Variants in PTPN12 observed in about 807,000 individuals in gnomAD.
The protein encoded by PTPN12 is tyrosine-protein phosphatase non-receptor type 12.
PTPN12 carries 29 observed loss-of-function variants against 97.6 expected under a neutral mutation model. The observed-to-expected ratio is 0.30, with a 90% CI of 0.22 to 0.41. The LOEUF (loss-of-function observed/expected upper bound fraction) is 0.41. PTPN12 is among the 10% of genes least tolerant of loss of function. PTPN12 has a pLI of 1.00. For missense variants in PTPN12, 819 were observed against 926.0 expected, an observed-to-expected ratio of 0.88 and a Z score of 1.50; for synonymous variants, 327 against 300.4, an observed-to-expected ratio of 1.09 and a Z score of -0.91.
At chr7:77,594,317 T>C (rs1291060120) in intron 6 of PTPN12, among the ~76,000 whole-genome samples, 5 of 151,978 alleles carry the variant, frequency 3.3e-5, no homozygotes, top group African/African-American at 1.2e-4. Context: ...ACGTTAAAAA[T>C]CCCACTGCAT....
At chr7:77,626,597 G>A (rs977615957) in intron 12 of PTPN12, 108 bp from the exon 13 acceptor site, 6 of 1,225,202 alleles carry the variant, frequency 4.9e-6, no homozygotes, top group South Asian at 3.6e-5. Flanking sequence ...GTTTTTATTC[G>A]CAACCAGATT....
chr7:77,571,911 T>A (rs1351031000), intron 2 of PTPN12, among the ~76,000 whole-genome samples: 1 of 152,194 alleles, frequency 6.6e-6, no homozygotes, highest in African/African-American at 2.4e-5. Flanking sequence ...TCTGAAAGTA[T>A]ACTTAAGGTG....
rs556907917 is a variant in PTPN12 at position 77,566,361 on chromosome 7, T to C, written c.100-4717T>C. On this transcript the variant is annotated intron_variant, in intron 1 of 17. Transcript: ENST00000248594. ...AAATGTGGGAGTAAAATGGTCAGACTTGACTTTTTAGAACAGTAATAAAGG... is the reference window on the plus strand; with the variant it reads ...AAATGTGGGAGTAAAATGGTCAGACCTGACTTTTTAGAACAGTAATAAAGG... Among the ~76,000 whole-genome samples, 99 of 152,314 alleles carry C rather than the reference T, an allele frequency of 6.5e-4. No individual in the cohort carries two copies. The South Asian group carries it at 6.6e-3, about 10-fold the overall frequency.
chr7:77,576,787 A>G (rs1014176774), intron 2 of PTPN12, among the ~76,000 whole-genome samples: 8 of 152,184 alleles, frequency 5.3e-5, no homozygotes, highest in South Asian at 2.1e-4. Context: ...CCGGGTGTTA[A>G]TGGTGGCCCA....
At chr7:77,542,763 C>T (rs1053421817) in intron 1 of PTPN12, among the ~76,000 whole-genome samples, 1 of 151,916 alleles carries the variant, frequency 6.6e-6, no homozygotes, top group Admixed American at 6.6e-5. Context: ...GAGGAAGTTT[C>T]AGGGGGAGAA....
Position 77,632,913 on chromosome 7 carries a change from C to T in PTPN12, c.2074+488C>T, listed in dbSNP as rs139227568. ...TGGAGGTTGCAGTGAGCCGAGATTG[C>T]GCCATTGCATTCCAGCCTGGGCGAA... On this transcript the variant is annotated intron_variant, in intron 14 of 17. Coordinates refer to ENST00000248594, the MANE Select transcript of PTPN12 (RefSeq NM_002835.4). 1.6e-4 allele frequency among the ~76,000 whole-genome samples: 24 copies of T among 152,212 alleles called. No homozygotes were observed. In the East Asian group the frequency reaches 3.7e-3, roughly 23 times the overall value.
At chr7:77,610,405 T>C (rs935226577) in intron 9 of PTPN12, among the ~76,000 whole-genome samples, 1 of 152,254 alleles carries the variant, frequency 6.6e-6, no homozygotes, top group Non-Finnish European at 1.5e-5. Flanking sequence ...CCACATAGAT[T>C]ATACATTGAA....
intron 11 of PTPN12, among the ~76,000 whole-genome samples, chr7:77,618,277 C>T (rs1002292285): frequency 3.3e-5 from 5 of 151,878 alleles, no homozygotes; most frequent in South Asian, 2.1e-4. Context: ...AACTGTGATG[C>T]GCTGTTTTTT....
chr7:77,591,557 ATAGT>A (rs1787867634), intron 5 of PTPN12, among the ~76,000 whole-genome samples: 1 of 152,240 alleles, frequency 6.6e-6, no homozygotes, highest in African/African-American at 2.4e-5. Context: ...ATAAAATTGA[ATAGT>A]TAATACATCA....
intron 1 of PTPN12, among the ~76,000 whole-genome samples, chr7:77,551,826 C>T (rs1238956323): frequency 1.3e-5 from 2 of 152,170 alleles, no homozygotes; most frequent in Non-Finnish European, 2.9e-5. Flanking sequence ...AGATCCTGTT[C>T]ATCAGACATG....
chr7:77,579,399 A>C (rs574501967), intron 2 of PTPN12, among the ~76,000 whole-genome samples: 3 of 152,320 alleles, frequency 2.0e-5, no homozygotes, highest in Admixed American at 6.5e-5. Context: ...TGCTGGGATT[A>C]CAGGGGTGAG....
intron 11 of PTPN12, among the ~76,000 whole-genome samples, chr7:77,615,640 A>G (rs977014251): frequency 3.3e-5 from 5 of 152,138 alleles, no homozygotes; most frequent in Non-Finnish European, 7.4e-5. Flanking sequence ...AGTCCTAGCT[A>G]CTTGGGAGGC....
At chr7:77,543,386 CTTA>C (rs961384163) in intron 1 of PTPN12, among the ~76,000 whole-genome samples, 22 of 134,622 alleles carry the variant, frequency 1.6e-4, no homozygotes, top group African/African-American at 6.1e-4. Flanking sequence ...GAATATTTTT[CTTA>C]TTATTTCTTG....
chr7:77,566,862 A>G (rs1192911107), intron 1 of PTPN12, among the ~76,000 whole-genome samples: 7 of 152,088 alleles, frequency 4.6e-5, no homozygotes, highest in Non-Finnish European at 8.8e-5. Flanking sequence ...ATTTAGCTAT[A>G]TTTTTGCCCA....
intron 3 of PTPN12, among the ~76,000 whole-genome samples, chr7:77,582,509 C>T (rs181802246): frequency 6.6e-6 from 1 of 151,984 alleles, no homozygotes; most frequent in Non-Finnish European, 1.5e-5. Context: ...CCAGGCCGGG[C>T]ACGGTGGCTC....
chr7:77,559,622 A>G (rs1031837013), intron 1 of PTPN12, among the ~76,000 whole-genome samples: 5 of 152,228 alleles, frequency 3.3e-5, no homozygotes, highest in African/African-American at 1.2e-4. Flanking sequence ...AGGATGCTAA[A>G]CCACAGATGT....
rs1421411134 is a variant in PTPN12 at position 77,637,944 on chromosome 7, A to ATTTTTTT, written c.2174-680_2174-679insTTTTTTT. Among the ~76,000 whole-genome samples the ATTTTTTT allele has an allele frequency of 3.6e-4, 32 of 89,504 alleles. 8 individuals are homozygous for ATTTTTTT. Among genetic ancestry groups the ATTTTTTT allele is most frequent in the East Asian group, 8.3e-4 (2 of 2,402 alleles). 58.7% of individuals were successfully genotyped at this position (89,504 alleles called of 152,430 possible). On this transcript the variant is annotated intron_variant, in intron 16 of 17. Coordinates refer to ENST00000248594, the MANE Select transcript of PTPN12 (RefSeq NM_002835.4). ...AACCCTGACCTTGTTGATTTCTTAA[A>ATTTTTTT]ATTTTTTTTTTTTTTTTTTTTTTTT...
intron 4 of PTPN12, among the ~76,000 whole-genome samples, chr7:77,584,812 G>A (rs1228821061): frequency 1.3e-5 from 2 of 151,592 alleles, no homozygotes; most frequent in East Asian, 3.9e-4. Context: ...GGGAGGCAGC[G>A]CTTGCAGTGA....
At position 77,624,175 on chromosome 7, in the gene PTPN12, G is replaced by GA. The variant is rs541378173; in HGVS notation, c.1026-2529dup. On this transcript the variant is annotated intron_variant, in intron 12 of 17. Transcript: ENST00000248594. ...CCAGCTGCTTGGGAGGCTAAACTGGGAGGATGGCTTGAGCCCTGAAGGCAG... is the reference window on the plus strand; with the variant it reads ...CCAGCTGCTTGGGAGGCTAAACTGGGAAGGATGGCTTGAGCCCTGAAGGCAG... 2.0e-4 allele frequency among the ~76,000 whole-genome samples: 30 copies of GA among 152,090 alleles called. No individual in the cohort carries two copies. The South Asian group carries it at 6.0e-3, about 31-fold the overall frequency.
Sources: gnomAD v4.1 joint callset for allele counts (sites outside exome capture counted in the v4.1 genomes callset) on GRCh38, gnomAD v4.1.1 for gene constraint, MANE v1.5 for transcripts, NCBI Gene and HGNC (gene_info 2026-07-23, HGNC 2026-07-21) for gene names.